Variants in LRBA observed in about 807,000 individuals in gnomAD.
LRBA encodes lipopolysaccharide-responsive and beige-like anchor protein.
In LRBA, 176 loss-of-function variants were observed where a neutral mutation model predicts 330.0. That is an observed-to-expected ratio of 0.53 (90% CI 0.47 to 0.60). The LOEUF (loss-of-function observed/expected upper bound fraction) is 0.60, where lower values mean the gene tolerates loss of function less well. Among genes scored for constraint, LRBA ranks in the 20% least tolerant of loss-of-function variants. The pLI is 0.00. For missense variants in LRBA, 3,259 were observed against 3,444.8 expected, an observed-to-expected ratio of 0.95 and a Z score of 1.35; for synonymous variants, 1,230 against 1,193.0, an observed-to-expected ratio of 1.03 and a Z score of -0.64.
chr4:150,782,324 G>A (rs1445900406), intron 34 of LRBA, among the ~76,000 whole-genome samples: 2 of 152,210 alleles, frequency 1.3e-5, no homozygotes, highest in Admixed American at 1.3e-4. Flanking sequence ...TGTAGCTGCT[G>A]TAACAAATTG....
At chr4:150,847,121 AAGTAT>A (rs1329358908) in intron 26 of LRBA, among the ~76,000 whole-genome samples, 2 of 152,182 alleles carry the variant, frequency 1.3e-5, no homozygotes, top group Admixed American at 1.3e-4. Flanking sequence ...AGTTAGACAA[AAGTAT>A]AGTATTCAAA....
chr4:150,894,081 T>G (rs1299894907), intron 16 of LRBA, among the ~76,000 whole-genome samples: 1 of 152,182 alleles, frequency 6.6e-6, no homozygotes, highest in Non-Finnish European at 1.5e-5. Context: ...CAACATGACT[T>G]TTTTTTAAGG....
At chr4:150,302,285 T>C (rs13116727) in intron 53 of LRBA, among the ~76,000 whole-genome samples, 85,897 of 152,026 alleles carry the variant, frequency 0.57, 25,074 homozygotes, top group Non-Finnish European at 0.65. Flanking sequence ...TTTTAAAATA[T>C]GAATTCAATA....
chr4:150,804,113 T>C (rs1388914977), intron 33 of LRBA, among the ~76,000 whole-genome samples: 12 of 152,122 alleles, frequency 7.9e-5, no homozygotes, highest in East Asian at 1.9e-4. Flanking sequence ...CCCTGAAATA[T>C]AGACTCTTCA....
chr4:150,945,354 T>C (rs1246044025), intron 2 of LRBA, among the ~76,000 whole-genome samples: 1 of 152,186 alleles, frequency 6.6e-6, no homozygotes, highest in African/African-American at 2.4e-5. Flanking sequence ...CTGATGGCCA[T>C]GTAATGGAAT....
chr4:150,902,628 G>GT (rs1730864802), intron 13 of LRBA, among the ~76,000 whole-genome samples: 2 of 152,234 alleles, frequency 1.3e-5, no homozygotes, highest in African/African-American at 4.8e-5. Context: ...AGAAAATTCT[G>GT]TAACAGGGCT....
At chr4:150,378,557 T>A (rs916457549) in intron 47 of LRBA, among the ~76,000 whole-genome samples, 2 of 152,164 alleles carry the variant, frequency 1.3e-5, no homozygotes, top group African/African-American at 4.8e-5. Flanking sequence ...AAAAACAACT[T>A]CAGGATGTAA....
intron 44 of LRBA, among the ~76,000 whole-genome samples, chr4:150,453,306 A>G (rs10857246): frequency 0.98 from 149,541 of 152,272 alleles, 73,481 homozygotes; most frequent in East Asian, 1. Context: ...CAAGACTGTG[A>G]TACTGATATA....
intron 17 of LRBA, among the ~76,000 whole-genome samples, chr4:150,884,498 G>A (rs1015280799): frequency 2.6e-5 from 4 of 152,126 alleles, no homozygotes; most frequent in African/African-American, 9.7e-5. Flanking sequence ...AACACAGTGG[G>A]CCTAAGGGCT....
chr4:150,696,909 G>T (rs1038208378), intron 36 of LRBA, among the ~76,000 whole-genome samples: 2 of 150,828 alleles, frequency 1.3e-5, no homozygotes, highest in Admixed American at 6.6e-5. Context: ...AGCTACTTGG[G>T]AAGCTGTGGT....
chr4:150,844,474 T>C (rs1358593627), intron 27 of LRBA, among the ~76,000 whole-genome samples, 184 bp downstream of exon 27: 1 of 151,432 alleles, frequency 6.6e-6, no homozygotes, highest in African/African-American at 2.4e-5. Flanking sequence ...AGCAGAGAGG[T>C]TTAAATATAA....
At chr4:150,882,312 G>A (rs1362499991) in intron 17 of LRBA, among the ~76,000 whole-genome samples, 1 of 152,068 alleles carries the variant, frequency 6.6e-6, no homozygotes, top group African/African-American at 2.4e-5. Flanking sequence ...AGTAAATTTT[G>A]TAAAAGTTAA....
At chr4:150,565,579 A>G in intron 40 of LRBA, among the ~76,000 whole-genome samples, 1 of 152,156 alleles carries the variant, frequency 6.6e-6, no homozygotes, top group Non-Finnish European at 1.5e-5. Flanking sequence ...TAGATTTTAC[A>G]TATATAATTA....
chr4:150,977,725 T>TC (rs992054708), intron 2 of LRBA, among the ~76,000 whole-genome samples: 1 of 151,876 alleles, frequency 6.6e-6, no homozygotes, highest in Non-Finnish European at 1.5e-5. Flanking sequence ...AACTGAAGAG[T>TC]CCTTGGGCCT....
intron 17 of LRBA, among the ~76,000 whole-genome samples, chr4:150,885,732 G>A (rs1728881370): frequency 6.6e-6 from 1 of 151,978 alleles, no homozygotes; most frequent in African/African-American, 2.4e-5. Flanking sequence ...GACATACAGA[G>A]CAACAACAAT....
intron 48 of LRBA, among the ~76,000 whole-genome samples, chr4:150,339,830 C>T (rs1035935103): frequency 4.0e-5 from 6 of 149,312 alleles, no homozygotes; most frequent in South Asian, 2.1e-4. Context: ...TGGAAATTTA[C>T]GTTGCTCCTT....
At chr4:150,435,551 A>C in intron 46 of LRBA, 38 bp downstream of exon 46, 1 of 1,579,080 alleles carries the variant, frequency 6.3e-7, no homozygotes, top group African/African-American at 1.4e-5. Context: ...CAAGTAATGC[A>C]CTGGCAATAA....
intron 36 of LRBA, among the ~76,000 whole-genome samples, chr4:150,700,086 A>G (rs988103203): frequency 6.6e-6 from 1 of 152,196 alleles, no homozygotes; most frequent in Admixed American, 6.5e-5. Context: ...CAAAATCTTT[A>G]AAAACCTGAA....
intron 48 of LRBA, among the ~76,000 whole-genome samples, chr4:150,336,376 A>G (rs1002183519): frequency 1.3e-5 from 2 of 152,204 alleles, no homozygotes; most frequent in Non-Finnish European, 2.9e-5. Flanking sequence ...TTTTGCCATC[A>G]TTTAGTATTA....
Sources: allele counts gnomAD v4.1 joint callset (sites outside exome capture counted in the v4.1 genomes callset), GRCh38; gene constraint gnomAD v4.1.1; transcripts MANE v1.5; gene names NCBI Gene and HGNC (gene_info 2026-07-23, HGNC 2026-07-21).